Variants in WDR31 observed in about 807,000 individuals in gnomAD.
The protein encoded by WDR31 is WD repeat-containing protein 31.
WDR31 carries 30 observed loss-of-function variants against 47.3 expected under a neutral mutation model. The ratio of observed to expected loss-of-function variants is 0.63; its 90% CI spans 0.47 to 0.86. WDR31 has a LOEUF of 0.86. WDR31 is among the 40% of genes least tolerant of loss of function. The pLI is 0.00. For missense variants in WDR31, 406 were observed against 442.9 expected (o/e 0.92, Z 0.75); for synonymous variants, 137 against 159.4 (o/e 0.86, Z 1.06).
At position 113,321,506 on chromosome 9, in the gene WDR31, C is replaced by T. The variant is rs763976992; in HGVS notation, c.638+5G>A. 2 of 1,613,816 alleles carry T rather than the reference C, an allele frequency of 1.2e-6. No homozygotes were observed. The highest frequency in any genetic ancestry group is 1.7e-5 in the Admixed American group (1 of 59,980). On this transcript the variant is annotated splice_donor_5th_base_variant and intron_variant, in intron 8 of 10. Coordinates refer to ENST00000374193, the MANE Select transcript of WDR31 (RefSeq NM_001012361.4). Reference sequence around the variant, plus strand: ...AACACTTTCACAGCTGCTCAGTAAGCCCACCTGAGGGTTTTATCTTCAGAG... The same window carrying T: ...AACACTTTCACAGCTGCTCAGTAAGTCCACCTGAGGGTTTTATCTTCAGAG...
intron 9 of WDR31, among the ~76,000 whole-genome samples, chr9:113,319,145 G>A (rs1833273545): frequency 6.6e-6 from 1 of 152,220 alleles, no homozygotes; most frequent in Non-Finnish European, 1.5e-5. Flanking sequence ...ACCTTGATGT[G>A]TGAAGACTAG....
chr9:113,321,436 T>C, intron 8 of WDR31, 75 bp downstream of exon 8: 1 of 1,419,966 alleles, frequency 7.0e-7, no homozygotes, highest in Non-Finnish European at 9.9e-7. Context: ...AGAATCAGAG[T>C]GGGAATGGAG....
Position 113,316,607 on chromosome 9 carries a change from C to T in WDR31, c.*142G>A. On this transcript the variant is annotated 3_prime_UTR_variant, in exon 11 of 11. Transcript: ENST00000374193. Reference sequence around the variant, plus strand: ...CACTGGACTTAAATTATTGGACTTACAACACTGATACATCTTGTAAATGAA... The same window carrying T: ...CACTGGACTTAAATTATTGGACTTATAACACTGATACATCTTGTAAATGAA... 1.9e-6 allele frequency: 2 copies of T among 1,037,376 alleles called. No individual in the cohort carries two copies. Among genetic ancestry groups the T allele is most frequent in the African/African-American group, 1.6e-5 (1 of 63,318 alleles). 64.3% of individuals were successfully genotyped at this position (1,037,376 alleles called of 1,614,324 possible).
Position 113,331,942 on chromosome 9 carries a change from C to CTT in WDR31, c.80_81insAA (p.Gln28SerfsTer19). The CTT allele has an allele frequency of 6.2e-7, 1 of 1,613,904 alleles. No individual in the cohort carries two copies. The highest frequency in any genetic ancestry group is 2.2e-5 in the East Asian group (1 of 44,874). On this transcript the variant is annotated frameshift_variant, in exon 3 of 11. Coordinates refer to ENST00000374193, the MANE Select transcript of WDR31 (RefSeq NM_001012361.4). LOFTEE classifies it high-confidence loss of function. ...AAGTGCTGTGTTTGAGTTTGCTTTG[C>CTT]TGTTTCCCCATCACGACACAAAACC... is the stretch of plus-strand genomic sequence containing the variant.
chr9:113,333,708 T>C (rs910327696), intron 2 of WDR31, among the ~76,000 whole-genome samples: 1 of 151,822 alleles, frequency 6.6e-6, no homozygotes, highest in African/African-American at 2.4e-5. Flanking sequence ...ATAATTTCAC[T>C]ATGGCACCTC....
At chr9:113,330,063 AT>A (rs1413240263) in intron 4 of WDR31, among the ~76,000 whole-genome samples, 1 of 152,174 alleles carries the variant, frequency 6.6e-6, no homozygotes, top group Non-Finnish European at 1.5e-5. Context: ...TGCAAATGGA[AT>A]TTGAAGATTC....
Position 113,329,018 on chromosome 9 carries a change from C to T in WDR31, c.250-63G>A, listed in dbSNP as rs952444195. ...CTTGTTAAAGTGACACTAGCCTCTACTGCATTCTCACCTTACTTTCTCCCT... is the reference window on the plus strand; with the variant it reads ...CTTGTTAAAGTGACACTAGCCTCTATTGCATTCTCACCTTACTTTCTCCCT... On this transcript the variant is annotated intron_variant, in intron 4 of 10. Coordinates refer to ENST00000374193, the MANE Select transcript of WDR31 (RefSeq NM_001012361.4). 5 of 1,408,106 alleles carry T rather than the reference C, an allele frequency of 3.6e-6. No individual in the cohort carries two copies. The Admixed American group carries it at 5.0e-5, about 14-fold the overall frequency. The allele number at this position is 1,408,106 out of a possible 1,614,324, so 87.2% of individuals were successfully genotyped here.
intron 5 of WDR31, among the ~76,000 whole-genome samples, chr9:113,328,527 C>T (rs1406405903): frequency 6.6e-6 from 1 of 152,186 alleles, no homozygotes; most frequent in Non-Finnish European, 1.5e-5. Context: ...TAGAAGGTTG[C>T]TGAGCACAGG....
At chr9:113,333,206 T>G (rs953650865) in intron 2 of WDR31, among the ~76,000 whole-genome samples, 2 of 152,012 alleles carry the variant, frequency 1.3e-5, no homozygotes, top group East Asian at 3.8e-4. Context: ...CTCTATATAC[T>G]AAATGTCACT....
At chr9:113,338,301 G>C (rs1833759749) in intron 1 of WDR31, among the ~76,000 whole-genome samples, 1 of 152,088 alleles carries the variant, frequency 6.6e-6, no homozygotes, top group Non-Finnish European at 1.5e-5. Context: ...AGAGTGATTG[G>C]ACCCAATAAA....
intron 5 of WDR31, among the ~76,000 whole-genome samples, chr9:113,327,230 G>C (rs1833492214): frequency 6.6e-6 from 1 of 152,096 alleles, no homozygotes; most frequent in Non-Finnish European, 1.5e-5. Context: ...TTTGCTTCTT[G>C]AGTAGTTCTT....
chr9:113,333,744 A>G (rs1264196982), intron 2 of WDR31, among the ~76,000 whole-genome samples: 3 of 151,750 alleles, frequency 2.0e-5, no homozygotes, highest in Non-Finnish European at 4.4e-5. Flanking sequence ...CATGAAATAG[A>G]TGTTCTGAGA....
At chr9:113,322,679 C>T in intron 7 of WDR31, 132 bp downstream of exon 7, 1 of 749,428 alleles carries the variant, frequency 1.3e-6, no homozygotes, top group Non-Finnish European at 2.2e-6. Flanking sequence ...GGTCTCACAG[C>T]AGGTTAGGGG....
At chr9:113,330,457 G>C (rs1833572312) in intron 4 of WDR31, among the ~76,000 whole-genome samples, 1 of 152,174 alleles carries the variant, frequency 6.6e-6, no homozygotes, top group Admixed American at 6.6e-5. Flanking sequence ...CAGTATCCCA[G>C]CTGTGAGGGC....
intron 9 of WDR31, 78 bp downstream of exon 9, chr9:113,320,279 C>T (rs1383989402): frequency 5.2e-6 from 8 of 1,552,890 alleles, no homozygotes; most frequent in Admixed American, 3.7e-5. Flanking sequence ...GCCTGTGTAG[C>T]ACAGCTACAG....
At chr9:113,324,618 G>A (rs996042270) in intron 5 of WDR31, among the ~76,000 whole-genome samples, 4 of 151,822 alleles carry the variant, frequency 2.6e-5, no homozygotes, top group Admixed American at 6.6e-5. Flanking sequence ...TCGAACTCCC[G>A]GGCTCAAGTG....
chr9:113,326,312 C>CAA (rs1443382658), intron 5 of WDR31, among the ~76,000 whole-genome samples: 2 of 152,224 alleles, frequency 1.3e-5, no homozygotes, highest in African/African-American at 2.4e-5. Context: ...ATTGCCTTTA[C>CAA]ACATGAACAA....
Position 113,335,379 on chromosome 9 carries a change from G to A in WDR31, c.-29+909C>T, listed in dbSNP as rs567551038. The stretch of plus-strand genomic sequence containing the variant: ...TGTCATGTGTCCCCTGCGACTGGCT[G>A]TGATATCAGATAGCTGAGGGAAGTA... On this transcript the variant is annotated intron_variant, in intron 2 of 10. Coordinates refer to ENST00000374193, the MANE Select transcript of WDR31 (RefSeq NM_001012361.4). Among the ~76,000 whole-genome samples, 7 of 152,334 alleles carry A rather than the reference G, an allele frequency of 4.6e-5. No homozygotes were observed. The South Asian group carries it at 1.4e-3, about 32-fold the overall frequency.
chr9:113,320,864 A>G (rs758136889), intron 8 of WDR31, among the ~76,000 whole-genome samples: 10 of 152,346 alleles, frequency 6.6e-5, no homozygotes, highest in African/African-American at 9.6e-5. Flanking sequence ...ACTTATTATG[A>G]TATGGGAAAT....
Sources: allele counts gnomAD v4.1 joint callset (sites outside exome capture counted in the v4.1 genomes callset), GRCh38; gene constraint gnomAD v4.1.1; transcripts MANE v1.5; gene names NCBI Gene and HGNC (gene_info 2026-07-23, HGNC 2026-07-21).